ST6GALNAC3: variants seen among roughly 807,000 people sequenced by gnomAD.
ST6GALNAC3 encodes the protein ST6 N-acetylgalactosaminide alpha-2,6-sialyltransferase 3.
Under a neutral mutation model 32.7 loss-of-function variants are expected in ST6GALNAC3, and 25 were observed. The ratio of observed to expected loss-of-function variants is 0.76; its 90% CI spans 0.56 to 1.07. The LOEUF (loss-of-function observed/expected upper bound fraction) is 1.07, where lower values mean the gene tolerates loss of function less well. Among genes scored for constraint, ST6GALNAC3 ranks in the 50% least tolerant of loss-of-function variants. The pLI is 0.00. For synonymous variants in ST6GALNAC3, 129 were observed against 133.1 expected (o/e 0.97, Z 0.21); for missense variants, 355 against 382.4 (o/e 0.93, Z 0.60).
intron 1 of ST6GALNAC3, among the ~76,000 whole-genome samples, chr1:76,142,043 G>A (rs1650359535): frequency 1.3e-5 from 2 of 152,194 alleles, no homozygotes; most frequent in Non-Finnish European, 2.9e-5. Context: ...GGATTCTTTA[G>A]AGAGGAGGGA....
intron 1 of ST6GALNAC3, among the ~76,000 whole-genome samples, chr1:76,118,982 C>G (rs1648674470): frequency 6.6e-6 from 1 of 152,116 alleles, no homozygotes; most frequent in Non-Finnish European, 1.5e-5. Flanking sequence ...GCCACCATGC[C>G]CAGCTAATTT....
intron 1 of ST6GALNAC3, among the ~76,000 whole-genome samples, chr1:76,227,752 G>T (rs1168644607): frequency 1.3e-5 from 2 of 152,152 alleles, no homozygotes; most frequent in Admixed American, 6.5e-5. Context: ...GCTCTTTTTA[G>T]AAGTTCAATT....
chr1:76,570,594 T>C (rs1665803219), intron 3 of ST6GALNAC3, among the ~76,000 whole-genome samples: 1 of 152,148 alleles, frequency 6.6e-6, no homozygotes, highest in South Asian at 2.1e-4. Context: ...ACTCAAACAG[T>C]TGATTCTTTA....
chr1:76,571,881 T>A (rs1041935832), intron 3 of ST6GALNAC3, among the ~76,000 whole-genome samples: 1 of 152,106 alleles, frequency 6.6e-6, no homozygotes, highest in African/African-American at 2.4e-5. Context: ...TAAAATTTAA[T>A]ACCCTATTAA....
intron 1 of ST6GALNAC3, among the ~76,000 whole-genome samples, chr1:76,145,119 G>A (rs1417770385): frequency 6.6e-6 from 1 of 152,156 alleles, no homozygotes; most frequent in Non-Finnish European, 1.5e-5. Context: ...AGAGTAGAGA[G>A]CCTGTCACCA....
chr1:76,114,566 G>A (rs1018710276), intron 1 of ST6GALNAC3, among the ~76,000 whole-genome samples: 6 of 152,102 alleles, frequency 3.9e-5, no homozygotes, highest in Non-Finnish European at 7.4e-5. Context: ...TTACTTTTAG[G>A]AAATTATATT....
intron 2 of ST6GALNAC3, among the ~76,000 whole-genome samples, chr1:76,407,221 G>C (rs1557860957): frequency 6.6e-6 from 1 of 152,034 alleles, no homozygotes; most frequent in South Asian, 2.1e-4. Flanking sequence ...ACACAGCTTA[G>C]CGCTGTGTGC....
At chr1:76,356,313 T>C (rs1315658685) in intron 2 of ST6GALNAC3, among the ~76,000 whole-genome samples, 1 of 152,106 alleles carries the variant, frequency 6.6e-6, no homozygotes, top group East Asian at 1.9e-4. Context: ...TTTGAATGCT[T>C]TTGATCGGAT....
intron 2 of ST6GALNAC3, among the ~76,000 whole-genome samples, chr1:76,392,938 G>T (rs1311218180): frequency 1.3e-5 from 2 of 152,118 alleles, no homozygotes; most frequent in Non-Finnish European, 2.9e-5. Context: ...CATTATTAAT[G>T]TGGAAGTATT....
intron 3 of ST6GALNAC3, among the ~76,000 whole-genome samples, chr1:76,486,043 T>C (rs1318303921): frequency 6.6e-6 from 1 of 152,152 alleles, no homozygotes; most frequent in Non-Finnish European, 1.5e-5. Flanking sequence ...TTTGAGTGAG[T>C]TTCTTAATCC....
At chr1:76,183,434 A>T (rs1653317610) in intron 1 of ST6GALNAC3, among the ~76,000 whole-genome samples, 1 of 152,176 alleles carries the variant, frequency 6.6e-6, no homozygotes, top group Non-Finnish European at 1.5e-5. Context: ...CATATATTTC[A>T]CATATATATG....
chr1:76,313,552 A>C (rs1266077837), intron 1 of ST6GALNAC3: 3 of 582,072 alleles, frequency 5.2e-6, no homozygotes, highest in Non-Finnish European at 9.4e-6. Context: ...TACAAGGAAT[A>C]TAGTGAGATA....
intron 3 of ST6GALNAC3, among the ~76,000 whole-genome samples, chr1:76,502,034 G>A (rs1661205610): frequency 6.6e-6 from 1 of 152,096 alleles, no homozygotes; most frequent in South Asian, 2.1e-4. Flanking sequence ...GAGACAAAGG[G>A]CAACACAGGC....
chr1:76,105,743 C>T (rs1407415407), intron 1 of ST6GALNAC3, among the ~76,000 whole-genome samples: 3 of 152,150 alleles, frequency 2.0e-5, no homozygotes, highest in Non-Finnish European at 4.4e-5. Context: ...AGTGGCAAAG[C>T]CTTTGACCAC....
chr1:76,375,511 C>T (rs1458279053), intron 2 of ST6GALNAC3, among the ~76,000 whole-genome samples: 7 of 152,194 alleles, frequency 4.6e-5, no homozygotes, highest in East Asian at 3.9e-4. Context: ...AAGCCAAGGC[C>T]ATAGTTACAA....
intron 2 of ST6GALNAC3, among the ~76,000 whole-genome samples, chr1:76,396,860 T>C (rs1256970880): frequency 1.3e-5 from 2 of 152,208 alleles, no homozygotes; most frequent in Non-Finnish European, 2.9e-5. Flanking sequence ...CTTGATCTTC[T>C]AAAGTCTGAG....
In ST6GALNAC3 at chr1:76,279,706, C is replaced by T. The variant is rs1340124345; in HGVS notation, c.19-34099C>T. Among the ~76,000 whole-genome samples the T allele has an allele frequency of 5.9e-5, 9 of 152,300 alleles. No individual in the cohort carries two copies. The East Asian group carries it at 1.7e-3, about 29-fold the overall frequency. The stretch of plus-strand genomic sequence containing the variant: ...CATGGTAGCCACTTCGTCAGGAGGG[C>T]TCCTCAGGTTTTAGAGCCAGAGCAC... On this transcript the variant is annotated intron_variant, in intron 1 of 4. Transcript: ENST00000328299.
intron 1 of ST6GALNAC3, among the ~76,000 whole-genome samples, chr1:76,132,323 A>T (rs1188010261): frequency 6.6e-6 from 1 of 152,172 alleles, no homozygotes; most frequent in Admixed American, 6.5e-5. Context: ...GGGAAACTCC[A>T]GCAGCAGCTT....
chr1:76,373,706 C>A (rs1358773368), intron 2 of ST6GALNAC3, among the ~76,000 whole-genome samples: 1 of 152,002 alleles, frequency 6.6e-6, no homozygotes, highest in Non-Finnish European at 1.5e-5. Flanking sequence ...CATTTTTTGT[C>A]CCTAGATCAT....
Sources: gnomAD v4.1 joint callset for allele counts (sites outside exome capture counted in the v4.1 genomes callset) on GRCh38, gnomAD v4.1.1 for gene constraint, MANE v1.5 for transcripts, NCBI Gene and HGNC (gene_info 2026-07-23, HGNC 2026-07-21) for gene names.